USF3: variants seen among roughly 807,000 people sequenced by gnomAD.
The protein encoded by USF3 is basic helix-loop-helix domain-containing protein USF3.
In USF3, 29 loss-of-function variants were observed where a neutral mutation model predicts 157.5. That is an observed-to-expected ratio of 0.18 (90% CI 0.14 to 0.25). The LOEUF is 0.25. Among genes scored for constraint, USF3 ranks in the 10% least tolerant of loss-of-function variants. The probability of loss-of-function intolerance (pLI) is 1.00; values close to 1 mark genes in which losing one functional copy is unlikely to be tolerated. For missense variants in USF3, 2,381 were observed against 2,667.6 expected (o/e 0.89, Z 2.37); for synonymous variants, 893 against 941.4 (o/e 0.95, Z 0.94).
chr3:113,666,614 C>T (rs1239940204), intron 5 of USF3, among the ~76,000 whole-genome samples: 31 of 138,292 alleles, frequency 2.2e-4, no homozygotes, highest in East Asian at 6.5e-4. Flanking sequence ...CTCTGTCGCC[C>T]GGGCTGGAGT....
chr3:113,658,831 G>C lies in USF3; in HGVS notation c.2851C>G (p.Pro951Ala), dbSNP rs746877393. 3 of 1,614,148 alleles carry C rather than the reference G, an allele frequency of 1.9e-6. No individual in the cohort carries two copies. The highest frequency in any genetic ancestry group is 2.5e-6 in the Non-Finnish European group (3 of 1,180,008). ...GGAACCTGAGAAACCAAAATGTGAG[G>C]ATCACTTGGAGATGGAATCAATACA... is the stretch of plus-strand genomic sequence containing the variant. The part of the protein sequence containing the change: ...ANVLIPSPSD[P>A]HILVSQVPGL... Residue 951 changes from proline (P) to alanine (A), a missense_variant, in exon 7 of 7, where the codon CCT (proline) becomes GCT (alanine). Pro to Ala is a conservative substitution (Grantham distance 27, BLOSUM62 -1). Transcript: ENST00000316407.
At chr3:113,692,781 C>G (rs570515880) in intron 1 of USF3, among the ~76,000 whole-genome samples, 1 of 152,232 alleles carries the variant, frequency 6.6e-6, no homozygotes, top group East Asian at 1.9e-4. Flanking sequence ...AAAGATCTGG[C>G]CTTCTGAAGT....
In USF3 at chr3:113,660,764, G is replaced by T. The variant is rs760340882; in HGVS notation, c.918C>A (p.Ser306Arg). ...MTPCVTNIPH[S>R]SSATATKVHH... ...GCACTTTAGTGGCAGTTGCTGAGGA[G>T]CTGTGGGGGATGTTTGTAACACAAG... Residue 306 changes from serine to arginine, a missense_variant, in exon 7 of 7, where the codon AGC becomes AGA. Physicochemically the swap from Ser to Arg is moderately radical, Grantham distance 110. Around this residue, in one of 6 missense-constraint regions of USF3, gnomAD observed 1,435 missense variants for 1,550.9 expected, o/e 0.93. Transcript: ENST00000316407. The T allele has an allele frequency of 1.2e-6, 2 of 1,614,190 alleles. No homozygotes were observed. The highest frequency in any genetic ancestry group is 2.2e-5 in the South Asian group (2 of 91,082).
At position 113,654,973 on chromosome 3, in the gene USF3, G is replaced by A. The variant is rs1027307259; in HGVS notation, c.6709C>T (p.Leu2237=). 1.2e-6 allele frequency: 2 copies of A among 1,612,656 alleles called. No individual in the cohort carries two copies. The highest frequency in any genetic ancestry group is 1.7e-6 in the Non-Finnish European group (2 of 1,179,092). Residue 2237 remains leucine (L), a synonymous_variant, in exon 7 of 7, where the codon CTA becomes TTA. Coordinates refer to ENST00000316407, the MANE Select transcript of USF3 (RefSeq NM_001009899.4). ...ACAGCTGAACTGCAATCATGACCTA[G>A]AATATGGCTTATGTTATGGGCAGGT... ...NRPAHNISHI[L]GHDCSSAV
chr3:113,683,132 C>G (rs1225841395), intron 1 of USF3, among the ~76,000 whole-genome samples: 1 of 151,568 alleles, frequency 6.6e-6, no homozygotes, highest in African/African-American at 2.4e-5. Context: ...TTTTTCTGAC[C>G]TGAGGTTACC....
chr3:113,683,170 C>A (rs1450914113), intron 1 of USF3, among the ~76,000 whole-genome samples: 1 of 151,740 alleles, frequency 6.6e-6, no homozygotes, highest in Non-Finnish European at 1.5e-5. Context: ...CACCTTATAA[C>A]CCATTATTTT....
chr3:113,659,049 T>C lies in USF3; in HGVS notation c.2633A>G (p.Glu878Gly). ...TGCTGACTTAGATTTCGATACAGAC[T>C]CAGGTATTAATGATTCAGAGCTTAG... ...GVLSSESLIP[E>G]SVSKSKSAEK... Residue 878 changes from glutamate (E) to glycine (G), a missense_variant, in exon 7 of 7, where the codon GAG (glutamate) becomes GGG (glycine). Physicochemically the swap from Glu to Gly is moderately conservative, Grantham distance 98 (BLOSUM62 -2). This residue lies in a region of USF3 where 1,435 missense variants were observed against 1,550.9 expected (regional missense o/e 0.93). Transcript: ENST00000316407. 1 of 1,614,114 alleles carries C rather than the reference T, an allele frequency of 6.2e-7. No individual in the cohort carries two copies. Among genetic ancestry groups the C allele is most frequent in the Non-Finnish European group, 8.5e-7 (1 of 1,180,016 alleles).
In USF3 at chr3:113,658,014, T is replaced by C; in HGVS notation, c.3668A>G (p.Asn1223Ser). The part of the protein sequence containing the change: ...PSCSLGIKTS[N>S]ASLQDSTSQP... ...AGAAGTTGAATCCTGTAAAGATGCA[T>C]TTGATGTTTTAATTCCTAGAGAACA... Residue 1223 changes from asparagine to serine, a missense_variant, in exon 7 of 7, where the codon AAT (asparagine) becomes AGT (serine). Physicochemically the swap from Asn to Ser is conservative, Grantham distance 46 (BLOSUM62 1). Coordinates refer to ENST00000316407, the MANE Select transcript of USF3 (RefSeq NM_001009899.4). 6.2e-7 allele frequency: 1 copy of C among 1,614,154 alleles called. No individual in the cohort carries two copies. The highest frequency in any genetic ancestry group is 1.3e-5 in the African/African-American group (1 of 75,032).
At position 113,649,631 on chromosome 3, in the gene USF3, G is replaced by C. The variant is rs540256040; in HGVS notation, c.*5313C>G. On this transcript the variant is annotated 3_prime_UTR_variant, in exon 7 of 7. Coordinates refer to ENST00000316407, the MANE Select transcript of USF3 (RefSeq NM_001009899.4). Reference sequence around the variant, plus strand: ...TGATTACACAGCGTGTACCATCCCAGCTGGCCCTTTGCTATAACAGAGGAG... The same window carrying C: ...TGATTACACAGCGTGTACCATCCCACCTGGCCCTTTGCTATAACAGAGGAG... 1 of 508,722 alleles carries C rather than the reference G, an allele frequency of 2.0e-6. No homozygotes were observed. The highest frequency in any genetic ancestry group is 3.1e-5 in the East Asian group (1 of 32,484). The allele number at this position is 508,722 out of a possible 1,614,324, so 31.5% of individuals were successfully genotyped here.
chr3:113,670,811 A>G (rs116388647), intron 4 of USF3, among the ~76,000 whole-genome samples: 3 of 152,212 alleles, frequency 2.0e-5, no homozygotes, highest in Non-Finnish European at 2.9e-5. Context: ...CAGCAGTGCA[A>G]TCTCAGCTCA....
rs1313584626 is a variant in USF3 at position 113,670,105 on chromosome 3, T to C, written c.159+16A>G. 2 of 1,532,712 alleles carry C rather than the reference T, an allele frequency of 1.3e-6. No individual in the cohort carries two copies. The highest frequency in any genetic ancestry group is 1.8e-6 in the Non-Finnish European group (2 of 1,105,784). 94.9% of individuals were successfully genotyped at this position (1,532,712 alleles called of 1,614,324 possible). A position where few individuals can be genotyped will look rare whatever the true frequency, so the allele number is the denominator to read the frequency against. ...TGTTCATAAGTAATGAATGAAGATA[T>C]GAGTAGACTTCTTACCTGCTTCAGG... On this transcript the variant is annotated intron_variant, in intron 5 of 6. Transcript: ENST00000316407.
intron 5 of USF3, among the ~76,000 whole-genome samples, chr3:113,665,361 C>T (rs1947547641): frequency 6.6e-6 from 1 of 152,228 alleles, no homozygotes. Flanking sequence ...CTGTTTACCA[C>T]AACTACGAAT....
At position 113,660,094 on chromosome 3, in the gene USF3, T is replaced by C; in HGVS notation, c.1588A>G (p.Met530Val). 6.2e-7 allele frequency: 1 copy of C among 1,614,190 alleles called. No homozygotes were observed. The highest frequency in any genetic ancestry group is 8.5e-7 in the Non-Finnish European group (1 of 1,180,034). Reference protein sequence around the residue: ...PKNILPLNSAMQVIQMAQPVG... With the variant: ...PKNILPLNSAVQVIQMAQPVG... ...GGCTGAGCCATCTGAATCACTTGCA[T>C]TGCTGAATTCAGTGGAAGGATATTT... Residue 530 changes from methionine to valine, a missense_variant, in exon 7 of 7, where the codon ATG (methionine) becomes GTG (valine). Around this residue, in one of 6 missense-constraint regions of USF3, gnomAD observed 1,435 missense variants for 1,550.9 expected, o/e 0.93. Coordinates refer to ENST00000316407, the MANE Select transcript of USF3 (RefSeq NM_001009899.4).
Position 113,652,108 on chromosome 3 carries a change from A to AGAGAGAGAGTGTGTGTGTGTGTGTGTGT in USF3, c.*2835_*2836insACACACACACACACACACACTCTCTCTC, listed in dbSNP as rs1266464109. On this transcript the variant is annotated 3_prime_UTR_variant, in exon 7 of 7. Coordinates refer to ENST00000316407, the MANE Select transcript of USF3 (RefSeq NM_001009899.4). ...TGGAGAGAGAGAGAGAGAGAGAGAGAGTGTGTGTGTGTGTGTGTGTGTGTG... is the reference window on the plus strand; with the variant it reads ...TGGAGAGAGAGAGAGAGAGAGAGAGAGAGAGAGAGTGTGTGTGTGTGTGTGTGTGTGTGTGTGTGTGTGTGTGTGTGTG... 1 of 141,978 alleles carries AGAGAGAGAGTGTGTGTGTGTGTGTGTGT rather than the reference A, an allele frequency of 7.0e-6. No individual in the cohort carries two copies. The highest frequency in any genetic ancestry group is 2.6e-5 in the African/African-American group (1 of 38,276). 8.8% of individuals were successfully genotyped at this position (141,978 alleles called of 1,614,324 possible).
chr3:113,692,141 G>A (rs1707700778), intron 1 of USF3, among the ~76,000 whole-genome samples: 1 of 152,156 alleles, frequency 6.6e-6, no homozygotes, highest in Non-Finnish European at 1.5e-5. Context: ...GATCTGACAG[G>A]AGGGTAGCTC....
chr3:113,664,462 G>T, intron 5 of USF3, 53 bp from the exon 6 acceptor site: 2 of 946,830 alleles, frequency 2.1e-6, no homozygotes, highest in Non-Finnish European at 3.3e-6. Flanking sequence ...GTAAGAACTT[G>T]CCAGATGAAA....
chr3:113,655,623 C>T lies in USF3; in HGVS notation c.6059G>A (p.Gly2020Asp). 1 of 1,614,114 alleles carries T rather than the reference C, an allele frequency of 6.2e-7. No homozygotes were observed. The highest frequency in any genetic ancestry group is 8.5e-7 in the Non-Finnish European group (1 of 1,179,964). Reference protein sequence around the residue: ...SLPHLPLSTGGSMILGRQQPA... With the variant: ...SLPHLPLSTGDSMILGRQQPA... ...TTGTTGACGTCCAAGAATCATACTG[C>T]CACCAGTAGAGAGAGGAAGATGGGG... The change falls in exon 7 of 7, where the codon GGC (glycine) becomes GAC (aspartate). Residue 2020 changes from glycine (G) to aspartate (D), a missense_variant. Physicochemically the swap from Gly to Asp is moderately conservative, Grantham distance 94 (BLOSUM62 -1). Around this residue, in one of 6 missense-constraint regions of USF3, gnomAD observed 770 missense variants for 824.2 expected, o/e 0.93. Coordinates refer to ENST00000316407, the MANE Select transcript of USF3 (RefSeq NM_001009899.4).
At chr3:113,679,805 T>C (rs1484325315) in intron 1 of USF3, among the ~76,000 whole-genome samples, 1 of 152,204 alleles carries the variant, frequency 6.6e-6, no homozygotes. Flanking sequence ...TAGAACTTCA[T>C]ATAAATGTAT....
At position 113,660,955 on chromosome 3, in the gene USF3, C is replaced by T; in HGVS notation, c.727G>A (p.Glu243Lys). 3.7e-6 allele frequency: 6 copies of T among 1,614,172 alleles called. No homozygotes were observed. Among genetic ancestry groups the T allele is most frequent in the Non-Finnish European group, 5.1e-6 (6 of 1,180,036 alleles). The change falls in exon 7 of 7, where the codon GAA (glutamate) becomes AAA (lysine). Residue 243 changes from glutamate to lysine, a missense_variant. This residue lies in a region of USF3 where 1,435 missense variants were observed against 1,550.9 expected (regional missense o/e 0.93). Coordinates refer to ENST00000316407, the MANE Select transcript of USF3 (RefSeq NM_001009899.4). ...GCACCAAGCACATTTGATTCGCTTT[C>T]AGAGGTGGGAAGCTCGAGAATACTC... ...AQSILELPTS[E>K]SESNVLGATS...
Sources: allele counts gnomAD v4.1 joint callset (sites outside exome capture counted in the v4.1 genomes callset), GRCh38; gene constraint gnomAD v4.1.1; regional missense constraint gnomAD v4.1.1; transcripts MANE v1.5; gene names NCBI Gene and HGNC (gene_info 2026-07-23, HGNC 2026-07-21).